The following MAST1 variants were observed in gnomAD, a reference collection of about 807,000 sequenced individuals.
The protein encoded by MAST1 is microtubule associated serine/threonine kinase 1.
MAST1 carries 40 observed loss-of-function variants against 124.6 expected under a neutral mutation model. That is an observed-to-expected ratio of 0.32 (90% CI 0.25 to 0.42). The LOEUF is 0.42. MAST1 is among the 10% of genes least tolerant of loss of function. MAST1 has a pLI of 1.00. For missense variants in MAST1, 1,558 were observed against 2,181.9 expected (o/e 0.71, Z 5.70); for synonymous variants, 938 against 939.4 (o/e 1.00, Z 0.03).
rs1300666819 is a variant in MAST1 at position 12,838,942 on chromosome 19, T to C, written c.83+287T>C. Among the ~76,000 whole-genome samples the C allele has an allele frequency of 1.4e-5, 2 of 140,374 alleles. No individual in the cohort carries two copies. Among genetic ancestry groups the C allele is most frequent in the Non-Finnish European group, 1.6e-5 (1 of 63,932 alleles). The allele number at this position is 140,374 out of a possible 152,430, so 92.1% of individuals were successfully genotyped here. A position where few individuals can be genotyped will look rare whatever the true frequency, so the allele number is the denominator to read the frequency against. On this transcript the variant is annotated intron_variant, in intron 1 of 25. Coordinates refer to ENST00000251472, the MANE Select transcript of MAST1 (RefSeq NM_014975.3). The surrounding 1 kb of genome is among the most constrained non-coding windows in gnomAD (Gnocchi z 4.3). ...GCGGGCTCCAACAGCCTGGTGGGGG[T>C]AGAGGAAGAAGGGGAGGCTGGGGGG...
At chr19:12,870,422 C>T (rs1281187720) in intron 22 of MAST1, among the ~76,000 whole-genome samples, 2 of 145,394 alleles carry the variant, frequency 1.4e-5, no homozygotes, top group African/African-American at 5.1e-5. Flanking sequence ...ACCCGGGAGG[C>T]GGAGCTTGCA....
Position 12,871,051 on chromosome 19 carries a change from G to A in MAST1, c.3142G>A (p.Ala1048Thr). 6.2e-7 allele frequency: 1 copy of A among 1,614,182 alleles called. No homozygotes were observed. The highest frequency in any genetic ancestry group is 8.5e-7 in the Non-Finnish European group (1 of 1,180,034). ...CTTCCCCCAGAGTGGCAACAAGGTAGCAGTGACCACAACGCCCTTCGAAAA... is the reference window on the plus strand; with the variant it reads ...CTTCCCCCAGAGTGGCAACAAGGTAACAGTGACCACAACGCCCTTCGAAAA... ...ELILKSGNKV[A>T]VTTTPFENTS... Residue 1048 changes from alanine to threonine, a missense_variant, in exon 24 of 26, where the codon GCA becomes ACA. Around this residue, in one of 10 missense-constraint regions of MAST1, gnomAD observed 291 missense variants for 475.8 expected, o/e 0.61. Coordinates refer to ENST00000251472, the MANE Select transcript of MAST1 (RefSeq NM_014975.3).
Position 12,848,049 on chromosome 19 carries a change from C to A in MAST1, c.766C>A (p.Leu256Ile). The change falls in exon 7 of 26, where the codon CTT (leucine) becomes ATT (isoleucine). Residue 256 changes from leucine to isoleucine, a missense_variant. By Grantham distance (5) the Leu-to-Ile change is conservative. Coordinates refer to ENST00000251472, the MANE Select transcript of MAST1 (RefSeq NM_014975.3). ...ATTGCAGGAGAACCTGGAGAAGCTC[C>A]TTCAAGACGTGAGTGCACGCGGAGG... ...YELQENLEKL[L>I]QDAYERSESL... 6.2e-7 allele frequency: 1 copy of A among 1,613,744 alleles called. No homozygotes were observed.
chr19:12,874,629 T>C lies in MAST1; in HGVS notation c.4472T>C (p.Leu1491Pro), dbSNP rs1250783128. ...GAGGTGGTGGAGGAGCGCACCACGC[T>C]GAGCGGTCCTCGCTCCAAGCCCGCC... ...VLEVVEERTT[L>P]SGPRSKPASP... Residue 1491 changes from leucine to proline, a missense_variant, in exon 26 of 26, where the codon CTG becomes CCG. Transcript: ENST00000251472. This position sits in a 1 kb window ranked among gnomAD's most constrained non-coding sequence, Gnocchi z 6.6. 3.3e-6 allele frequency: 5 copies of C among 1,519,470 alleles called. No individual in the cohort carries two copies. Among genetic ancestry groups the C allele is most frequent in the Non-Finnish European group, 4.4e-6 (5 of 1,132,878 alleles). 94.1% of individuals were successfully genotyped at this position (1,519,470 alleles called of 1,614,324 possible).
chr19:12,842,564 A>G (rs1242514261), intron 3 of MAST1, among the ~76,000 whole-genome samples: 1 of 152,144 alleles, frequency 6.6e-6, no homozygotes, highest in East Asian at 1.9e-4. Context: ...AAATGCTAGG[A>G]TTACAGGCAT....
intron 20 of MAST1, 116 bp downstream of exon 20, chr19:12,868,093 G>A (rs1186017352): frequency 9.7e-6 from 7 of 718,918 alleles, no homozygotes; most frequent in African/African-American, 2.4e-5. Context: ...TATTCACATT[G>A]CAATTTGGGA....
chr19:12,845,099 C>A (rs186543399), intron 4 of MAST1, among the ~76,000 whole-genome samples: 8 of 151,914 alleles, frequency 5.3e-5, no homozygotes, highest in Non-Finnish European at 1.2e-4. Context: ...GTCAGGAGTT[C>A]GAGACCAGCC....
At position 12,851,969 on chromosome 19, in the gene MAST1, C is replaced by T. The variant is rs1260110481; in HGVS notation, c.810C>T (p.Phe270=). The change falls in exon 8 of 26, where the codon TTC becomes TTT. Residue 270 remains phenylalanine, a synonymous_variant. Transcript: ENST00000251472. The part of the protein sequence containing the change: ...YERSESLEVA[F]VTQLVKKLLI... The stretch of plus-strand genomic sequence containing the variant: ...GCTCTGAGAGCTTGGAGGTGGCCTT[C>T]GTTACTCAGCTGGTGAAGAAGTTGC... The T allele has an allele frequency of 3.1e-6, 5 of 1,614,090 alleles. No homozygotes were observed. Among genetic ancestry groups the T allele is most frequent in the East Asian group, 2.2e-5 (1 of 44,868 alleles).
rs1970150384 is a variant in MAST1 at position 12,866,139 on chromosome 19, G to T, written c.2029+37G>T. 1.2e-6 allele frequency: 2 copies of T among 1,612,546 alleles called. No homozygotes were observed. Among genetic ancestry groups the T allele is most frequent in the Non-Finnish European group, 1.7e-6 (2 of 1,179,744 alleles). On this transcript the variant is annotated intron_variant, in intron 17 of 25. Transcript: ENST00000251472. This position sits in a 1 kb window ranked among gnomAD's most constrained non-coding sequence, Gnocchi z 5.2. Reference sequence around the variant, plus strand: ...CACCAGGCACGACCTGGGTCGAGGGGTGGGATCCGGGAAGAGGGACCCTGG... The same window carrying T: ...CACCAGGCACGACCTGGGTCGAGGGTTGGGATCCGGGAAGAGGGACCCTGG...
intron 7 of MAST1, 116 bp downstream of exon 7, chr19:12,848,173 TG>T: frequency 1.1e-6 from 1 of 947,944 alleles, no homozygotes; most frequent in Non-Finnish European, 1.6e-6. Flanking sequence ...TTCCAGGCAC[TG>T]GCGTGGAGCT....
intron 3 of MAST1, among the ~76,000 whole-genome samples, chr19:12,842,706 T>G (rs1270880755): frequency 6.6e-6 from 1 of 152,168 alleles, no homozygotes; most frequent in Non-Finnish European, 1.5e-5. Flanking sequence ...CGTGCGAGTG[T>G]GAATGAGTGT....
chr19:12,844,364 G>A (rs6511842), intron 4 of MAST1, among the ~76,000 whole-genome samples: 54,247 of 152,096 alleles, frequency 0.36, 11,438 homozygotes, highest in East Asian at 0.59. Flanking sequence ...GCAGACATTT[G>A]TCATGAGATT....
rs1321323630 is a variant in MAST1 at position 12,866,999 on chromosome 19, TGGTGGGGCGGGGCTAGGTGTG to T, written c.2139+250_2139+270del. Among the ~76,000 whole-genome samples, 3 of 122,732 alleles carry T rather than the reference TGGTGGGGCGGGGCTAGGTGTG, an allele frequency of 2.4e-5. No individual in the cohort carries two copies. The highest frequency in any genetic ancestry group is 9.3e-5 in the African/African-American group (3 of 32,156). The allele number at this position is 122,732 out of a possible 152,430, so 80.5% of individuals were successfully genotyped here. The stretch of plus-strand genomic sequence containing the variant: ...AGGACAGTTGTGCAGATTGAGGCCA[TGGTGGGGCGGGGCTAGGTGTG>T]GGTGGGGCGGGGTCAGGACGTGGGA... On this transcript the variant is annotated intron_variant, in intron 18 of 25. Coordinates refer to ENST00000251472, the MANE Select transcript of MAST1 (RefSeq NM_014975.3). This position sits in a 1 kb window ranked among gnomAD's most constrained non-coding sequence, Gnocchi z 5.2.
In MAST1 at chr19:12,873,458, C is replaced by T. The variant is rs770624033; in HGVS notation, c.3398C>T (p.Pro1133Leu). The change falls in exon 25 of 26, where the codon CCG (proline) becomes CTG (leucine). Residue 1133 changes from proline (P) to leucine (L), a missense_variant. Physicochemically the swap from Pro to Leu is moderately conservative, Grantham distance 98. Coordinates refer to ENST00000251472, the MANE Select transcript of MAST1 (RefSeq NM_014975.3). ...SLPGSPTHGL[P>L]ARSPTHSYRS... ...CCGGGCTCGCCTACGCACGGGCTGC[C>T]GGCGCGCTCGCCCACGCACAGCTAC... 3 of 1,610,758 alleles carry T rather than the reference C, an allele frequency of 1.9e-6. No homozygotes were observed. Among genetic ancestry groups the T allele is most frequent in the South Asian group, 1.1e-5 (1 of 91,032 alleles).
rs1172817104 is a variant in MAST1, at chr19:12,866,578, G to T, written c.2030-75G>T. On this transcript the variant is annotated intron_variant, in intron 17 of 25. Coordinates refer to ENST00000251472, the MANE Select transcript of MAST1 (RefSeq NM_014975.3). The surrounding 1 kb of genome is among the most constrained non-coding windows in gnomAD (Gnocchi z 5.2). ...AGACTTGTAAACCCGTCTTGAACCA[G>T]GACTGGGCTCCTGTGGGGATGTGAT... The T allele has an allele frequency of 1.0e-6, 1 of 953,372 alleles. No individual in the cohort carries two copies. Among genetic ancestry groups the T allele is most frequent in the Non-Finnish European group, 1.7e-6 (1 of 602,210 alleles). The allele number at this position is 953,372 out of a possible 1,614,324, so 59.1% of individuals were successfully genotyped here.
intron 4 of MAST1, among the ~76,000 whole-genome samples, chr19:12,845,029 C>T (rs571448961): frequency 6.6e-6 from 1 of 152,148 alleles, no homozygotes; most frequent in East Asian, 1.9e-4. Context: ...TGGCCGGGCG[C>T]GGTGGCTCAT....
Position 12,873,482 on chromosome 19 carries a change from A to G in MAST1, c.3422A>G (p.Tyr1141Cys), listed in dbSNP as rs1044112966. The change falls in exon 25 of 26, where the codon TAC becomes TGC. Residue 1141 changes from tyrosine to cysteine, a missense_variant. Tyr to Cys is a radical substitution (Grantham distance 194). Coordinates refer to ENST00000251472, the MANE Select transcript of MAST1 (RefSeq NM_014975.3). ...CCGGCGCGCTCGCCCACGCACAGCT[A>G]CCGCTCCACGCCTGACTCCGCCTAC... ...GLPARSPTHS[Y>C]RSTPDSAYLG... 1.5e-5 allele frequency: 24 copies of G among 1,608,052 alleles called. No individual in the cohort carries two copies. The highest frequency in any genetic ancestry group is 2.0e-5 in the Non-Finnish European group (24 of 1,179,312).
chr19:12,844,119 A>G (rs1012127435), intron 4 of MAST1, among the ~76,000 whole-genome samples: 2 of 152,132 alleles, frequency 1.3e-5, no homozygotes, highest in Non-Finnish European at 2.9e-5. Flanking sequence ...TCTGCCCTCA[A>G]CACATTTCTG....
In MAST1 at chr19:12,847,482, G is replaced by C. The variant is rs199694264; in HGVS notation, c.488+32G>C. 1 of 1,612,920 alleles carries C rather than the reference G, an allele frequency of 6.2e-7. No homozygotes were observed. The highest frequency in any genetic ancestry group is 1.3e-5 in the African/African-American group (1 of 74,988). On this transcript the variant is annotated intron_variant, in intron 5 of 25. Coordinates refer to ENST00000251472, the MANE Select transcript of MAST1 (RefSeq NM_014975.3). The surrounding 1 kb of genome is among the most constrained non-coding windows in gnomAD (Gnocchi z 5.5). ...AGGCATCCCTCCTCCTTCGTACCAAGCTAGTGGTCTTAGGACTTGTGCTTA... is the reference window on the plus strand; with the variant it reads ...AGGCATCCCTCCTCCTTCGTACCAACCTAGTGGTCTTAGGACTTGTGCTTA...
Sources: allele counts gnomAD v4.1 joint callset (sites outside exome capture counted in the v4.1 genomes callset), GRCh38; gene constraint gnomAD v4.1.1; regional missense constraint gnomAD v4.1.1; non-coding constraint Gnocchi (gnomAD v3.1); transcripts MANE v1.5; gene names NCBI Gene and HGNC (gene_info 2026-07-23, HGNC 2026-07-21).